Variants in FHIT observed in about 807,000 individuals in gnomAD.
FHIT encodes fragile histidine triad diadenosine triphosphatase.
A neutral mutation model predicts 17.9 loss-of-function variants in FHIT; 19 were observed. The observed-to-expected ratio is 1.06, with a 90% confidence interval of 0.74 to 1.56. The LOEUF is 1.56. FHIT is among the 40% of genes most tolerant of loss of function. The pLI, the probability that FHIT is intolerant of heterozygous loss-of-function variation, is 0.00. For missense variants in FHIT, 248 were observed against 189.2 expected, an observed-to-expected ratio of 1.31 and a Z score of -1.82; for synonymous variants, 81 against 69.7, an observed-to-expected ratio of 1.16 and a Z score of -0.81.
rs564258124 is a variant in FHIT, at chr3:60,619,610, A to T, written c.-17-82631T>A. Among the ~76,000 whole-genome samples, 15 of 31,606 alleles carry T rather than the reference A, an allele frequency of 4.7e-4. 1 individual carries two copies. In the South Asian group the frequency reaches 0.022, roughly 46 times the overall value. The allele number at this position is 31,606 out of a possible 152,430, so 20.7% of individuals were successfully genotyped here. A position where few individuals can be genotyped will look rare whatever the true frequency, so the allele number is the denominator to read the frequency against. ...ATGGATACCCACATGCAAAAAAAAAAAAAAAAAAAAAAAAAAAGAATCTAG... is the reference window on the plus strand; with the variant it reads ...ATGGATACCCACATGCAAAAAAAAATAAAAAAAAAAAAAAAAAGAATCTAG... On this transcript the variant is annotated intron_variant, in intron 4 of 9. Coordinates refer to ENST00000492590, the MANE Select transcript of FHIT (RefSeq NM_002012.4).
chr3:60,194,679 T>G (rs1261503334), intron 5 of FHIT, among the ~76,000 whole-genome samples: 2 of 152,154 alleles, frequency 1.3e-5, no homozygotes, highest in African/African-American at 4.8e-5. Context: ...TTGCAAACTA[T>G]GCATCTGACA....
intron 3 of FHIT, among the ~76,000 whole-genome samples, chr3:60,960,361 T>A (rs781815225): frequency 7.2e-5 from 11 of 152,176 alleles, no homozygotes; most frequent in Non-Finnish European, 1.5e-4. Context: ...CTAAATCACA[T>A]TGGGAAAATT....
At chr3:60,584,163 G>T (rs543808311) in intron 4 of FHIT, among the ~76,000 whole-genome samples, 1 of 152,150 alleles carries the variant, frequency 6.6e-6, no homozygotes, top group Non-Finnish European at 1.5e-5. Context: ...GCTCATAGAA[G>T]AACTCATTAT....
intron 5 of FHIT, among the ~76,000 whole-genome samples, chr3:60,386,436 T>C (rs1701015236): frequency 6.6e-6 from 1 of 152,144 alleles, no homozygotes; most frequent in Non-Finnish European, 1.5e-5. Flanking sequence ...CCTCACAATA[T>C]CTATAAAAAC....
intron 5 of FHIT, among the ~76,000 whole-genome samples, chr3:60,524,932 T>C (rs974610466): frequency 1.3e-5 from 2 of 152,184 alleles, no homozygotes; most frequent in Admixed American, 6.5e-5. Flanking sequence ...GATATGGACA[T>C]CTCTTTTGAG....
chr3:60,055,698 G>A (rs1478422263), intron 5 of FHIT, among the ~76,000 whole-genome samples: 4 of 152,124 alleles, frequency 2.6e-5, no homozygotes, highest in African/African-American at 9.7e-5. Context: ...CATGTTGAAG[G>A]GCCAGATTTT....
chr3:59,988,770 C>T (rs1208145557), intron 7 of FHIT, among the ~76,000 whole-genome samples: 1 of 152,068 alleles, frequency 6.6e-6, no homozygotes, highest in Non-Finnish European at 1.5e-5. Context: ...GAGCCAAGGG[C>T]TTCAGCAGAA....
At chr3:60,557,890 A>G (rs1424934448) in intron 4 of FHIT, among the ~76,000 whole-genome samples, 1 of 152,134 alleles carries the variant, frequency 6.6e-6, no homozygotes. Context: ...CTTTTAAAAT[A>G]CTATTTCAAA....
At chr3:60,137,347 C>A (rs1019954248) in intron 5 of FHIT, among the ~76,000 whole-genome samples, 1 of 152,164 alleles carries the variant, frequency 6.6e-6, no homozygotes, top group African/African-American at 2.4e-5. Context: ...CAGGAACACA[C>A]AATGCATTTT....
At chr3:61,148,894 T>C (rs1159127014) in intron 2 of FHIT, among the ~76,000 whole-genome samples, 3 of 152,206 alleles carry the variant, frequency 2.0e-5, no homozygotes, top group Admixed American at 6.5e-5. Flanking sequence ...TACTCCTAGA[T>C]GAAGAGTTCA....
At chr3:60,122,299 G>A (rs987804832) in intron 5 of FHIT, among the ~76,000 whole-genome samples, 2 of 152,138 alleles carry the variant, frequency 1.3e-5, no homozygotes, top group African/African-American at 4.8e-5. Context: ...CCTATGATAC[G>A]TGTTGTCTGG....
At chr3:60,077,481 C>A (rs557314947) in intron 5 of FHIT, 9 of 151,408 alleles carry the variant, frequency 5.9e-5, no homozygotes, top group African/African-American at 2.2e-4. Flanking sequence ...AGGACAGGAA[C>A]AAGATGAGAT....
At chr3:61,041,782 C>T (rs1398021952) in intron 3 of FHIT, among the ~76,000 whole-genome samples, 1 of 151,534 alleles carries the variant, frequency 6.6e-6, no homozygotes, top group African/African-American at 2.4e-5. Flanking sequence ...TAATAAAATG[C>T]ATGTTATGAA....
chr3:60,567,703 C>T (rs1478208207), intron 4 of FHIT, among the ~76,000 whole-genome samples: 1 of 152,072 alleles, frequency 6.6e-6, no homozygotes, highest in Non-Finnish European at 1.5e-5. Flanking sequence ...TTGCAGTCTA[C>T]CCATCTGACA....
intron 4 of FHIT, among the ~76,000 whole-genome samples, chr3:60,815,249 T>A (rs1423810454): frequency 6.6e-6 from 1 of 152,052 alleles, no homozygotes; most frequent in Non-Finnish European, 1.5e-5. Context: ...TTGATTAGTC[T>A]CACTTGTCAA....
intron 5 of FHIT, among the ~76,000 whole-genome samples, chr3:60,280,642 T>C (rs213363): frequency 6.6e-6 from 1 of 151,976 alleles, no homozygotes; most frequent in Non-Finnish European, 1.5e-5. Context: ...CTCCACAGCT[T>C]CTGTGGGAGT....
chr3:59,788,881 G>GTTTTTTTTTTTTTTTTTTTTTTTTTTTTT lies in FHIT; in HGVS notation c.349-36561_349-36560insAAAAAAAAAAAAAAAAAAAAAAAAAAAAA, dbSNP rs60361063. On this transcript the variant is annotated intron_variant, in intron 8 of 9. Coordinates refer to ENST00000492590, the MANE Select transcript of FHIT (RefSeq NM_002012.4). ...ACCACGTTCTTTGCTGAGTTCATATGTTTTTTTTTTTTACCCCATCTCCAA... is the reference window on the plus strand; with the variant it reads ...ACCACGTTCTTTGCTGAGTTCATATGTTTTTTTTTTTTTTTTTTTTTTTTTTTTTTTTTTTTTTTTTACCCCATCTCCAA... Among the ~76,000 whole-genome samples the GTTTTTTTTTTTTTTTTTTTTTTTTTTTTT allele has an allele frequency of 1.4e-4, 12 of 86,840 alleles. 5 individuals carry two copies. The South Asian group carries it at 1.9e-3, about 13-fold the overall frequency. 57.0% of individuals were successfully genotyped at this position (86,840 alleles called of 152,430 possible).
chr3:60,418,153 C>T (rs1702319033), intron 5 of FHIT, among the ~76,000 whole-genome samples: 1 of 151,834 alleles, frequency 6.6e-6, no homozygotes, highest in Middle Eastern at 3.4e-3. Flanking sequence ...GGCTAAAAGA[C>T]TAAACTGTAT....
At chr3:60,623,545 GTGTT>G (rs2039194804) in intron 4 of FHIT, among the ~76,000 whole-genome samples, 1 of 152,226 alleles carries the variant, frequency 6.6e-6, no homozygotes, top group East Asian at 1.9e-4. Flanking sequence ...GAAATACTGT[GTGTT>G]TGTATCACTC....
Sources: allele counts gnomAD v4.1 joint callset (sites outside exome capture counted in the v4.1 genomes callset), GRCh38; gene constraint gnomAD v4.1.1; transcripts MANE v1.5; gene names NCBI Gene and HGNC (gene_info 2026-07-23, HGNC 2026-07-21).